Variants in HDC observed in about 807,000 individuals in gnomAD.
The protein encoded by HDC is histidine decarboxylase.
A neutral mutation model predicts 64.4 loss-of-function variants in HDC; 27 were observed. That is an observed-to-expected ratio of 0.42 (90% CI 0.31 to 0.58). HDC has a LOEUF of 0.58. Among genes scored for constraint, HDC ranks in the 20% least tolerant of loss-of-function variants. The probability of loss-of-function intolerance (pLI) is 0.16; values close to 1 mark genes in which losing one functional copy is unlikely to be tolerated. For synonymous variants in HDC, 305 were observed against 314.2 expected, an observed-to-expected ratio of 0.97 and a Z score of 0.31; for missense variants, 711 against 833.9, an observed-to-expected ratio of 0.85 and a Z score of 1.81.
chr15:50,243,262 A>G lies in HDC; in HGVS notation c.1141-18T>C. ...TCAGTACCCTGGAATTGCAAGTATA[A>G]AGAGAACTGAGATTAATCATCAGAC... On this transcript the variant is annotated intron_variant, in intron 10 of 11. Coordinates refer to ENST00000267845, the MANE Select transcript of HDC (RefSeq NM_002112.4). The G allele has an allele frequency of 6.9e-7, 1 of 1,456,458 alleles. No homozygotes were observed. Among genetic ancestry groups the G allele is most frequent in the Non-Finnish European group, 9.7e-7 (1 of 1,036,082 alleles). The allele number at this position is 1,456,458 out of a possible 1,614,324, so 90.2% of individuals were successfully genotyped here. A position where few individuals can be genotyped will look rare whatever the true frequency, so the allele number is the denominator to read the frequency against.
At chr15:50,249,953 C>T (rs8029272) in intron 9 of HDC, among the ~76,000 whole-genome samples, 1,839 of 152,284 alleles carry the variant, frequency 0.012, 37 homozygotes, top group African/African-American at 0.042. Context: ...AAAATCTGGA[C>T]GTATAAAGCC....
intron 10 of HDC, among the ~76,000 whole-genome samples, chr15:50,243,968 C>T (rs1178836024): frequency 1.3e-5 from 2 of 152,216 alleles, no homozygotes; most frequent in South Asian, 2.1e-4. Flanking sequence ...CTGAATTGTA[C>T]ACTTAAAAAT....
chr15:50,249,954 G>T (rs569428806), intron 9 of HDC, among the ~76,000 whole-genome samples: 2 of 152,192 alleles, frequency 1.3e-5, no homozygotes, highest in Non-Finnish European at 2.9e-5. Context: ...AAATCTGGAC[G>T]TATAAAGCCT....
At chr15:50,254,738 TTCTCTCTCTCTCTC>T (rs55859417) in intron 4 of HDC, 74 bp from the exon 5 acceptor site, 95 of 865,308 alleles carry the variant, frequency 1.1e-4, no homozygotes, top group South Asian at 1.8e-4. Context: ...TTCTAGTTTT[TTCTCTCTCTCTCTC>T]TCTCTCTCTC....
In HDC at chr15:50,242,569, G is replaced by A. The variant is rs2045411729; in HGVS notation, c.1680C>T (p.Ala560=). 4.3e-6 allele frequency: 7 copies of A among 1,614,064 alleles called. No homozygotes were observed. The highest frequency in any genetic ancestry group is 1.1e-5 in the South Asian group (1 of 91,084). Residue 560 remains alanine, a synonymous_variant, in exon 12 of 12, where the codon GCC becomes GCT. Transcript: ENST00000267845. ...DDCFSEEAPD[A]TKHKLSSFLF... ...GGAAGGAGGACAGCTTGTGCTTGGT[G>A]GCATCTGGGGCCTCTTCTGAAAAGC...
At position 50,258,455 on chromosome 15, in the gene HDC, G is replaced by T. The variant is rs2045660764; in HGVS notation, c.267C>A (p.Ser89=). The change falls in exon 3 of 12, where the codon TCC becomes TCA. Residue 89 remains serine (S), a synonymous_variant. Transcript: ENST00000267845. ...CATCAGCCAGCATGTCTCCTAGCAG[G>T]GAGGGCCAAGAGGTGAGGGCTGGGT... ...AYYPALTSWP[S]LLGDMLADAI... is the part of the protein sequence containing the mutation. The T allele has an allele frequency of 6.2e-7, 1 of 1,613,826 alleles. No homozygotes were observed. Among genetic ancestry groups the T allele is most frequent in the Non-Finnish European group, 8.5e-7 (1 of 1,179,908 alleles).
chr15:50,265,648 C>T lies in HDC; in HGVS notation c.-25G>A, dbSNP rs773039582. 6.2e-7 allele frequency: 1 copy of T among 1,612,742 alleles called. No homozygotes were observed. Reference sequence around the variant, plus strand: ...TCTCCCTTGGGCTCTGGCTCCTTCTCACAGATGGACACGCAGGAGGTGGAA... The same window carrying T: ...TCTCCCTTGGGCTCTGGCTCCTTCTTACAGATGGACACGCAGGAGGTGGAA... On this transcript the variant is annotated 5_prime_UTR_variant, in exon 1 of 12. Coordinates refer to ENST00000267845, the MANE Select transcript of HDC (RefSeq NM_002112.4).
chr15:50,253,053 C>T (rs565212685), intron 7 of HDC: 4 of 514,320 alleles, frequency 7.8e-6, no homozygotes, highest in African/African-American at 7.7e-5. Flanking sequence ...CTAGAACATC[C>T]TGGCACAGAA....
At chr15:50,251,582 T>C (rs1388421719) in intron 9 of HDC, among the ~76,000 whole-genome samples, 1 of 152,034 alleles carries the variant, frequency 6.6e-6, no homozygotes, top group Non-Finnish European at 1.5e-5. Context: ...CCCCTACAAG[T>C]AAAGGAAGGG....
chr15:50,264,511 C>G lies in HDC; in HGVS notation c.31+1082G>C, dbSNP rs1263535364. Among the ~76,000 whole-genome samples, 3 of 152,154 alleles carry G rather than the reference C, an allele frequency of 2.0e-5. No individual in the cohort carries two copies. The South Asian group carries it at 6.2e-4, about 32-fold the overall frequency. On this transcript the variant is annotated intron_variant, in intron 1 of 11. Transcript: ENST00000267845. ...TATGAGTAAGGAAGGAAAAAAAAGT[C>G]AAGTTGAACACTCTGAAACTATTGC...
At chr15:50,262,586 C>A (rs1312819701) in intron 2 of HDC, among the ~76,000 whole-genome samples, 2 of 152,226 alleles carry the variant, frequency 1.3e-5, no homozygotes, top group Admixed American at 1.3e-4. Flanking sequence ...CTGGCCCCAC[C>A]AGCACTATCC....
intron 6 of HDC, 80 bp from the exon 7 acceptor site, chr15:50,253,746 A>G: frequency 9.4e-7 from 1 of 1,061,124 alleles, no homozygotes; most frequent in Admixed American, 1.7e-5. Flanking sequence ...TTCACCACAG[A>G]CGTGATCTAC....
At chr15:50,265,347 G>A (rs560643429) in intron 1 of HDC, among the ~76,000 whole-genome samples, 5 of 152,204 alleles carry the variant, frequency 3.3e-5, no homozygotes, top group African/African-American at 9.6e-5. Flanking sequence ...GAAAAGCAAG[G>A]CACGGTAGTG....
intron 4 of HDC, among the ~76,000 whole-genome samples, chr15:50,255,310 G>A (rs539506948): frequency 9.2e-5 from 14 of 152,132 alleles, no homozygotes; most frequent in Admixed American, 4.6e-4. Context: ...GAGTCTTTAT[G>A]GTTCCTTATC....
chr15:50,242,156 A>C lies in HDC; in HGVS notation c.*104T>G. 2 of 968,916 alleles carry C rather than the reference A, an allele frequency of 2.1e-6. No homozygotes were observed. The highest frequency in any genetic ancestry group is 1.6e-6 in the Non-Finnish European group (1 of 606,776). The allele number at this position is 968,916 out of a possible 1,614,324, so 60.0% of individuals were successfully genotyped here. A position where few individuals can be genotyped will look rare whatever the true frequency, so the allele number is the denominator to read the frequency against. On this transcript the variant is annotated 3_prime_UTR_variant, in exon 12 of 12. Coordinates refer to ENST00000267845, the MANE Select transcript of HDC (RefSeq NM_002112.4). ...TGATTAAAATTATGAACTCGCCCCAAGAAAAATGCATGTACACATAAGCAC... is the reference window on the plus strand; with the variant it reads ...TGATTAAAATTATGAACTCGCCCCACGAAAAATGCATGTACACATAAGCAC...
chr15:50,253,490 G>T, intron 7 of HDC, 110 bp downstream of exon 7: 1 of 1,007,942 alleles, frequency 9.9e-7, no homozygotes, highest in Non-Finnish European at 1.6e-6. Context: ...TCTCTGCATT[G>T]ACCAAAGAGG....
Position 50,248,204 on chromosome 15 carries a change from G to C in HDC, c.1140+41C>G, listed in dbSNP as rs753799096. ...CAGCCTTCCTCGCCATGAGAAAACA[G>C]AGGAACACAGGCTCAGCCCCCACAG... On this transcript the variant is annotated intron_variant, in intron 10 of 11. Transcript: ENST00000267845. The surrounding 1 kb of genome is among the most constrained non-coding windows in gnomAD (Gnocchi z 4.3). 7.2e-7 allele frequency: 1 copy of C among 1,397,152 alleles called. No individual in the cohort carries two copies. Among genetic ancestry groups the C allele is most frequent in the South Asian group, 1.2e-5 (1 of 86,142 alleles). The allele number at this position is 1,397,152 out of a possible 1,614,324, so 86.5% of individuals were successfully genotyped here.
chr15:50,243,143 C>T lies in HDC; in HGVS notation c.1242G>A (p.Lys414=). Residue 414 remains lysine (K), a splice_region_variant and synonymous_variant, in exon 11 of 12, where the codon AAG becomes AAA. Coordinates refer to ENST00000267845, the MANE Select transcript of HDC (RefSeq NM_002112.4). ...AGAGGGGCTTGGAAGATGGTATTAC[C>T]TTTAGACGAAAAACCACCAGGCCAA... ...RHLGLVVFRL[K]GPNCLTENVL... The T allele has an allele frequency of 1.2e-6, 2 of 1,613,206 alleles. No homozygotes were observed. The highest frequency in any genetic ancestry group is 8.5e-7 in the Non-Finnish European group (1 of 1,179,168).
At chr15:50,253,704 G>C in intron 6 of HDC, 38 bp from the exon 7 acceptor site, 1 of 1,544,700 alleles carries the variant, frequency 6.5e-7, no homozygotes, top group Non-Finnish European at 8.9e-7. Flanking sequence ...CAGGAGGGTG[G>C]GCTCGTGTGA....
Sources: allele counts gnomAD v4.1 joint callset (sites outside exome capture counted in the v4.1 genomes callset), GRCh38; gene constraint gnomAD v4.1.1; non-coding constraint Gnocchi (gnomAD v3.1); transcripts MANE v1.5; gene names NCBI Gene and HGNC (gene_info 2026-07-23, HGNC 2026-07-21).